The following DRC5 variants were observed in gnomAD, a reference collection of about 807,000 sequenced individuals.
The protein encoded by DRC5 is T-complex-associated testis-expressed protein 1.
At chr6:44,280,429 C>T in the DRC5 span, 1 of 1,509,174 alleles carries the variant, frequency 6.6e-7, no homozygotes, top group Non-Finnish European at 9.2e-7. Context: ...ATTTACATCA[C>T]TACCCAGGAT....
the DRC5 span, among the ~76,000 whole-genome samples, chr6:44,293,662 C>T: frequency 6.6e-5 from 10 of 152,296 alleles, no homozygotes; most frequent in East Asian, 1.7e-3. Flanking sequence ...GTATGTCCCC[C>T]TCCCCTCACT....
chr6:44,282,316 G>A, the DRC5 span: 1 of 1,614,236 alleles, frequency 6.2e-7, no homozygotes, highest in South Asian at 1.1e-5. Context: ...AGGGAAATGA[G>A]GTTGGTGTTG....
chr6:44,295,429 CT>C, the DRC5 span, among the ~76,000 whole-genome samples: 4 of 152,334 alleles, frequency 2.6e-5, no homozygotes, highest in South Asian at 8.3e-4. Flanking sequence ...TCCTCCTCCC[CT>C]GGGCCCCTAC....
the DRC5 span, chr6:44,287,323 G>T: frequency 7.6e-6 from 6 of 789,590 alleles, no homozygotes; most frequent in Non-Finnish European, 9.2e-6. Context: ...AGGCATGGAG[G>T]GTGCAGTGTG....
chr6:44,293,320 A>C, the DRC5 span, among the ~76,000 whole-genome samples: 255 of 151,698 alleles, frequency 1.7e-3, 2 homozygotes, highest in African/African-American at 5.7e-3. Context: ...AAAAAAAAAA[A>C]AAAAAAAAAA....
the DRC5 span, among the ~76,000 whole-genome samples, chr6:44,285,630 A>G: frequency 6.6e-6 from 1 of 152,196 alleles, no homozygotes; most frequent in Admixed American, 6.5e-5. Flanking sequence ...TTATGTTTAT[A>G]TGATTGCTGA....
chr6:44,286,234 G>C, the DRC5 span: 1 of 1,612,238 alleles, frequency 6.2e-7, no homozygotes, highest in Non-Finnish European at 8.5e-7. Flanking sequence ...ACTGATCGAC[G>C]TGGACCCTGC....
chr6:44,282,650 T>C, the DRC5 span: 3 of 1,178,874 alleles, frequency 2.5e-6, no homozygotes. Context: ...TCACCTAGTG[T>C]TGGCCACCTG....
the DRC5 span, among the ~76,000 whole-genome samples, chr6:44,285,056 TTC>T: frequency 1.8e-4 from 27 of 152,328 alleles, no homozygotes; most frequent in Non-Finnish European, 3.5e-4. Flanking sequence ...CCACACAGTC[TTC>T]TCTTTCTCTT....
chr6:44,289,017 A>AAAAAAG, the DRC5 span, among the ~76,000 whole-genome samples: 16 of 139,792 alleles, frequency 1.1e-4, no homozygotes, highest in Non-Finnish European at 1.9e-4. Context: ...AAAAAAAAAA[A>AAAAAAG]AAAAAGAAAA....
the DRC5 span, among the ~76,000 whole-genome samples, chr6:44,294,519 T>C: frequency 6.6e-6 from 1 of 150,600 alleles, no homozygotes; most frequent in Non-Finnish European, 1.5e-5. Flanking sequence ...TCGAGGAGGG[T>C]GGATTACCTG....
At chr6:44,285,340 G>A in the DRC5 span, among the ~76,000 whole-genome samples, 8 of 152,246 alleles carry the variant, frequency 5.3e-5, no homozygotes, top group Middle Eastern at 3.4e-3. Flanking sequence ...AAATAAGAAC[G>A]CCCCATGGAA....
the DRC5 span, chr6:44,280,163 G>A: frequency 1.2e-6 from 2 of 1,606,122 alleles, no homozygotes; most frequent in Admixed American, 1.7e-5. Context: ...CTGGGGCCAT[G>A]ATCCAAGTCA....
the DRC5 span, among the ~76,000 whole-genome samples, chr6:44,290,163 T>A: frequency 2.4e-3 from 367 of 152,312 alleles, 3 homozygotes; most frequent in African/African-American, 8.5e-3. Context: ...ACTAATGGCA[T>A]CTCAGAGTGT....
the DRC5 span, among the ~76,000 whole-genome samples, chr6:44,292,682 C>T: frequency 5.9e-5 from 9 of 151,316 alleles, no homozygotes; most frequent in Non-Finnish European, 1.0e-4. Flanking sequence ...ATAAGCCAAT[C>T]GGAGTCCTTC....
At chr6:44,296,205 C>T in the DRC5 span, among the ~76,000 whole-genome samples, 2 of 152,304 alleles carry the variant, frequency 1.3e-5, no homozygotes, top group Non-Finnish European at 2.9e-5. Flanking sequence ...ATAAATTGCT[C>T]CCAACTCAGT....
the DRC5 span, chr6:44,287,679 G>A: frequency 1.9e-6 from 3 of 1,614,104 alleles, no homozygotes; most frequent in African/African-American, 2.7e-5. Context: ...GTGGGTTCCT[G>A]GACTTTGCAG....
chr6:44,282,371 C>G, the DRC5 span: 5 of 1,614,214 alleles, frequency 3.1e-6, no homozygotes, highest in Non-Finnish European at 4.2e-6. Flanking sequence ...GTGCACGCAC[C>G]TGGTTGTTAG....
At chr6:44,282,620 A>C in the DRC5 span, 1 of 1,481,716 alleles carries the variant, frequency 6.7e-7, no homozygotes, top group South Asian at 1.3e-5. Context: ...CTGCCCACCT[A>C]GATCTTTGGC....
Sources: gnomAD v4.1 joint callset for allele counts (sites outside exome capture counted in the v4.1 genomes callset) on GRCh38, gnomAD v4.1.1 for gene constraint, MANE v1.5 for transcripts, NCBI Gene and HGNC (gene_info 2026-07-23, HGNC 2026-07-21) for gene names.